TRIM36: variants seen among roughly 807,000 people sequenced by gnomAD.
TRIM36 encodes the protein E3 ubiquitin-protein ligase TRIM36.
Under a neutral mutation model 72.4 loss-of-function variants are expected in TRIM36, and 42 were observed. That is an observed-to-expected ratio of 0.58 (90% CI 0.45 to 0.75). The LOEUF (loss-of-function observed/expected upper bound fraction) is 0.75, where lower values mean the gene tolerates loss of function less well. Among genes scored for constraint, TRIM36 ranks in the 30% least tolerant of loss-of-function variants. The pLI is 0.00. For synonymous variants in TRIM36, 315 were observed against 282.8 expected, an observed-to-expected ratio of 1.11 and a Z score of -1.14; for missense variants, 913 against 857.1, an observed-to-expected ratio of 1.07 and a Z score of -0.81.
chr5:115,166,974 ATGCACCCCTTGCTGCTC>A (rs1013828531), intron 1 of TRIM36, among the ~76,000 whole-genome samples: 36 of 152,202 alleles, frequency 2.4e-4, no homozygotes, highest in African/African-American at 8.7e-4. Context: ...TCGCTCACTC[ATGCACCCCTTGCTGCTC>A]TGCACCTGGC....
At chr5:115,128,897 C>A (rs550402873) in intron 9 of TRIM36, among the ~76,000 whole-genome samples, 2 of 151,586 alleles carry the variant, frequency 1.3e-5, no homozygotes, top group South Asian at 4.2e-4. Context: ...TAGTGTGCAG[C>A]AATGTCCTAG....
chr5:115,135,363 G>A (rs1442166475), intron 7 of TRIM36, among the ~76,000 whole-genome samples: 13 of 151,642 alleles, frequency 8.6e-5, no homozygotes, highest in Non-Finnish European at 1.5e-4. Context: ...GCCATAATGA[G>A]ATCTGGAAAG....
intron 1 of TRIM36, among the ~76,000 whole-genome samples, chr5:115,166,681 G>A (rs553517079): frequency 6.6e-6 from 1 of 152,324 alleles, no homozygotes; most frequent in East Asian, 1.9e-4. Flanking sequence ...GCCATGTTGT[G>A]GGTGACGATG....
chr5:115,177,461 T>C, intron 1 of TRIM36: 1 of 1,102,358 alleles, frequency 9.1e-7, no homozygotes. Context: ...TTCCCATTAT[T>C]CTTTACATTA....
chr5:115,159,657 T>G (rs1330987156), intron 2 of TRIM36: 2 of 454,662 alleles, frequency 4.4e-6, no homozygotes, highest in Admixed American at 2.4e-5. Flanking sequence ...ACCCCACAGA[T>G]CTCCGTTGTG....
At chr5:115,167,565 C>A (rs1318237084) in intron 1 of TRIM36, among the ~76,000 whole-genome samples, 3 of 152,204 alleles carry the variant, frequency 2.0e-5, no homozygotes, top group Non-Finnish European at 4.4e-5. Context: ...CAAGAGTCAC[C>A]TTCACTCCAG....
intron 2 of TRIM36, among the ~76,000 whole-genome samples, chr5:115,152,210 T>A (rs1281931264): frequency 6.6e-6 from 1 of 152,086 alleles, no homozygotes; most frequent in Non-Finnish European, 1.5e-5. Context: ...GACACACTAA[T>A]AGAAATGCAA....
At chr5:115,144,125 C>T (rs547249956) in intron 4 of TRIM36, among the ~76,000 whole-genome samples, 4 of 152,116 alleles carry the variant, frequency 2.6e-5, no homozygotes, top group Admixed American at 6.5e-5. Flanking sequence ...CCGCCCGCCT[C>T]GGCCTCCCAA....
chr5:115,177,703 A>T, intron 1 of TRIM36: 1 of 1,613,712 alleles, frequency 6.2e-7, no homozygotes, highest in Non-Finnish European at 8.5e-7. Flanking sequence ...CCTACTCCAG[A>T]CCAACTCTCC....
In TRIM36 at chr5:115,147,156, G is replaced by A. The variant is rs1753636706; in HGVS notation, c.501C>T (p.Cys167=). 2 of 1,614,044 alleles carry A rather than the reference G, an allele frequency of 1.2e-6. No individual in the cohort carries two copies. Among genetic ancestry groups the A allele is most frequent in the East Asian group, 2.2e-5 (1 of 44,896 alleles). The part of the protein sequence containing the change: ...KSCMDCSASY[C]NECFKIHHPW... ...GGTGATGAATTTTGAAGCATTCATT[G>A]CAGTAACTTGCACTACAGTCCATGC... The change falls in exon 3 of 10, where the codon TGC becomes TGT. Residue 167 remains cysteine (C), a synonymous_variant. Coordinates refer to ENST00000513154, the MANE Select transcript of TRIM36 (RefSeq NM_001300759.2).
chr5:115,136,928 A>T lies in TRIM36; in HGVS notation c.1210+72T>A, dbSNP rs1752992194. 2.1e-6 allele frequency: 3 copies of T among 1,402,856 alleles called. No individual in the cohort carries two copies. The African/African-American group carries it at 4.4e-5, about 20-fold the overall frequency. 86.9% of individuals were successfully genotyped at this position (1,402,856 alleles called of 1,614,324 possible). The stretch of plus-strand genomic sequence containing the variant: ...TGCTTTATAATGTCAAATTTAAGAG[A>T]ACTTGTGTTTTCTTCCACACAATAC... On this transcript the variant is annotated intron_variant, in intron 7 of 9. Transcript: ENST00000513154.
rs922378544 is a variant in TRIM36 at position 115,126,358 on chromosome 5, T to C, written c.*145A>G. ...AACGACATGAAGACACAAGGCTGTT[T>C]AGATTTTCTGTATTTCAAGAAGAAT... On this transcript the variant is annotated 3_prime_UTR_variant, in exon 10 of 10. Coordinates refer to ENST00000513154, the MANE Select transcript of TRIM36 (RefSeq NM_001300759.2). 4.7e-6 allele frequency: 3 copies of C among 640,854 alleles called. No individual in the cohort carries two copies. Among genetic ancestry groups the C allele is most frequent in the Non-Finnish European group, 7.9e-6 (3 of 381,914 alleles). 39.7% of individuals were successfully genotyped at this position (640,854 alleles called of 1,614,324 possible).
intron 9 of TRIM36, 123 bp from the exon 10 acceptor site, chr5:115,126,980 TAAAAC>T: frequency 1.1e-5 from 11 of 988,068 alleles, no homozygotes; most frequent in Middle Eastern, 2.7e-4. Flanking sequence ...AGCTTTCTAT[TAAAAC>T]AAAATCAAAA....
chr5:115,159,587 T>C (rs1040691137), intron 2 of TRIM36: 3 of 435,950 alleles, frequency 6.9e-6, no homozygotes, highest in Non-Finnish European at 1.4e-5. Flanking sequence ...ATTATTTAAT[T>C]TAAATCTAAC....
At chr5:115,149,591 A>G (rs1753775290) in intron 2 of TRIM36, 1 of 145,574 alleles carries the variant, frequency 6.9e-6, no homozygotes, top group Non-Finnish European at 1.5e-5. Context: ...AAAAAAAAAA[A>G]AAAAAGTTCA....
At chr5:115,168,892 T>C (rs973) in intron 1 of TRIM36, 53,112 of 152,152 alleles carry the variant, frequency 0.35, 9,377 homozygotes, top group African/African-American at 0.38. Context: ...TCTAAAATCA[T>C]TTCCATTTTC....
rs544466196 is a variant in TRIM36 at position 115,174,939 on chromosome 5, G to C, written c.63+5036C>G. ...GAGTGTATTAGCTGCATAACTAGTG[G>C]GCAAAGAAGTTTTCTGGCCAACTTG... On this transcript the variant is annotated intron_variant, in intron 1 of 9. Transcript: ENST00000282369. Among the ~76,000 whole-genome samples, 31 of 152,096 alleles carry C rather than the reference G, an allele frequency of 2.0e-4. No homozygotes were observed. In the South Asian group the frequency reaches 4.8e-3, roughly 23 times the overall value.
At chr5:115,132,504 A>G (rs1230403788) in intron 8 of TRIM36, among the ~76,000 whole-genome samples, 1 of 149,468 alleles carries the variant, frequency 6.7e-6, no homozygotes, top group Admixed American at 6.8e-5. Context: ...AGATGGTGCC[A>G]CTGTACTCCA....
chr5:115,158,299 G>A (rs529623535), intron 2 of TRIM36, among the ~76,000 whole-genome samples: 14 of 151,626 alleles, frequency 9.2e-5, no homozygotes, highest in Non-Finnish European at 1.8e-4. Flanking sequence ...TTCCTTTGAA[G>A]GTAGATTAAA....
Sources: gnomAD v4.1 joint callset for allele counts (sites outside exome capture counted in the v4.1 genomes callset) on GRCh38, gnomAD v4.1.1 for gene constraint, MANE v1.5 for transcripts, NCBI Gene and HGNC (gene_info 2026-07-23, HGNC 2026-07-21) for gene names.